The following EXOC6B variants were observed in gnomAD, a reference collection of about 807,000 sequenced individuals.
EXOC6B encodes exocyst complex component 6B, also known as SEC15 homolog B.
A neutral mutation model predicts 113.5 loss-of-function variants in EXOC6B; 54 were observed. The observed-to-expected ratio is 0.48, with a 90% confidence interval of 0.38 to 0.60. The LOEUF (loss-of-function observed/expected upper bound fraction) is 0.60. Ranked by LOEUF, EXOC6B falls within the 20% of genes least tolerant of loss-of-function variation. The probability of loss-of-function intolerance (pLI) is 0.00; values close to 1 mark genes in which losing one functional copy is unlikely to be tolerated. For missense variants in EXOC6B, 797 were observed against 977.5 expected, an observed-to-expected ratio of 0.82 and a Z score of 2.46; for synonymous variants, 357 against 339.0, an observed-to-expected ratio of 1.05 and a Z score of -0.58.
intron 17 of EXOC6B, among the ~76,000 whole-genome samples, chr2:72,466,521 A>G (rs928987662): frequency 3.9e-5 from 6 of 151,958 alleles, no homozygotes; most frequent in Admixed American, 2.6e-4. Context: ...ATATCTCCCA[A>G]ATTTCTCTGT....
At chr2:72,717,958 A>G (rs1488198020) in intron 6 of EXOC6B, 145 bp downstream of exon 6, 1 of 577,422 alleles carries the variant, frequency 1.7e-6, no homozygotes, top group Non-Finnish European at 2.9e-6. Flanking sequence ...ATTTTTAATC[A>G]TATGTTTCCA....
chr2:72,519,369 T>C (rs950107992), intron 8 of EXOC6B, among the ~76,000 whole-genome samples: 2 of 152,298 alleles, frequency 1.3e-5, no homozygotes, highest in East Asian at 1.9e-4. Context: ...CTAGTGTTCC[T>C]AAGCTCAAGA....
At chr2:72,391,028 G>A (rs1043388578) in intron 18 of EXOC6B, among the ~76,000 whole-genome samples, 3 of 152,042 alleles carry the variant, frequency 2.0e-5, no homozygotes, top group Middle Eastern at 3.2e-3. Flanking sequence ...AACTCCAGTC[G>A]TTGTCTTCTT....
At chr2:72,796,347 G>A (rs1684948737) in intron 1 of EXOC6B, among the ~76,000 whole-genome samples, 1 of 151,274 alleles carries the variant, frequency 6.6e-6, no homozygotes. Context: ...CAGCTACTCG[G>A]GAGACTGAGG....
At chr2:72,713,100 G>A (rs1175761918) in intron 6 of EXOC6B, among the ~76,000 whole-genome samples, 1 of 152,094 alleles carries the variant, frequency 6.6e-6, no homozygotes, top group Non-Finnish European at 1.5e-5. Context: ...TTTAATTAGG[G>A]TAGAACCCTT....
At chr2:72,722,794 T>C (rs1558949872) in intron 5 of EXOC6B, among the ~76,000 whole-genome samples, 1 of 152,158 alleles carries the variant, frequency 6.6e-6, no homozygotes, top group Non-Finnish European at 1.5e-5. Context: ...TGGGGTTTAG[T>C]TATATTTTGG....
At chr2:72,490,888 A>G (rs979960147) in intron 16 of EXOC6B, among the ~76,000 whole-genome samples, 2 of 152,158 alleles carry the variant, frequency 1.3e-5, no homozygotes, top group Non-Finnish European at 2.9e-5. Flanking sequence ...AGCTATTTCT[A>G]TCAGACCATG....
intron 1 of EXOC6B, among the ~76,000 whole-genome samples, chr2:72,787,967 T>C (rs1684469982): frequency 1.3e-5 from 2 of 152,230 alleles, no homozygotes; most frequent in Admixed American, 1.3e-4. Context: ...TTTTTAATAC[T>C]TGGTATCCAC....
At chr2:72,557,107 C>T (rs1055960055) in intron 8 of EXOC6B, among the ~76,000 whole-genome samples, 3 of 151,248 alleles carry the variant, frequency 2.0e-5, no homozygotes, top group African/African-American at 7.3e-5. Context: ...ATCCATAGCG[C>T]AACATCATCT....
chr2:72,788,738 C>T (rs776374836), intron 1 of EXOC6B, among the ~76,000 whole-genome samples: 13 of 152,152 alleles, frequency 8.5e-5, no homozygotes, highest in Non-Finnish European at 1.3e-4. Context: ...GTCGAAGCTG[C>T]AAGTGTGCGG....
intron 1 of EXOC6B, among the ~76,000 whole-genome samples, chr2:72,765,629 C>T (rs141212717): frequency 5.1e-4 from 77 of 152,112 alleles, no homozygotes; most frequent in Admixed American, 1.4e-3. Context: ...GCCGAGATTG[C>T]GCCATTGCAC....
At chr2:72,643,309 C>A (rs1054310270) in intron 6 of EXOC6B, among the ~76,000 whole-genome samples, 2 of 148,438 alleles carry the variant, frequency 1.3e-5, no homozygotes, top group Admixed American at 1.3e-4. Context: ...AAGACACATG[C>A]ACACGTATGT....
chr2:72,487,352 G>C (rs1038257754), intron 16 of EXOC6B, among the ~76,000 whole-genome samples: 5 of 151,558 alleles, frequency 3.3e-5, no homozygotes, highest in African/African-American at 1.2e-4. Flanking sequence ...TTTTTGTTTT[G>C]TTTTGTTTTG....
At chr2:72,397,727 A>C in intron 18 of EXOC6B, among the ~76,000 whole-genome samples, 1 of 151,918 alleles carries the variant, frequency 6.6e-6, no homozygotes, top group East Asian at 1.9e-4. Context: ...GACACCTAAT[A>C]AGTATGTGAA....
At chr2:72,799,155 G>A (rs574890323) in intron 1 of EXOC6B, among the ~76,000 whole-genome samples, 4 of 141,994 alleles carry the variant, frequency 2.8e-5, no homozygotes, top group South Asian at 4.3e-4. Flanking sequence ...CAGGAGAATC[G>A]CTTGTGCCCA....
intron 6 of EXOC6B, among the ~76,000 whole-genome samples, chr2:72,631,333 A>G (rs1231651874): frequency 1.3e-5 from 2 of 150,932 alleles, no homozygotes; most frequent in East Asian, 3.9e-4. Context: ...CTGTTAATAT[A>G]TAGGACCTCT....
At chr2:72,226,633 A>G (rs1681257930) in intron 20 of EXOC6B, among the ~76,000 whole-genome samples, 1 of 152,188 alleles carries the variant, frequency 6.6e-6, no homozygotes, top group South Asian at 2.1e-4. Flanking sequence ...CCCTTTAAAA[A>G]TCTAGGTTTA....
intron 20 of EXOC6B, among the ~76,000 whole-genome samples, chr2:72,318,070 G>A (rs1687629402): frequency 6.6e-6 from 1 of 152,152 alleles, no homozygotes; most frequent in South Asian, 2.1e-4. Context: ...GCTCTTTTCT[G>A]TAGTACCACT....
At chr2:72,532,882 G>T (rs1362108895) in intron 8 of EXOC6B, among the ~76,000 whole-genome samples, 1 of 151,900 alleles carries the variant, frequency 6.6e-6, no homozygotes, top group African/African-American at 2.4e-5. Context: ...TGTGACTACA[G>T]ACATAGTAGC....
Sources: allele counts gnomAD v4.1 joint callset (sites outside exome capture counted in the v4.1 genomes callset), GRCh38; gene constraint gnomAD v4.1.1; transcripts MANE v1.5; gene names NCBI Gene and HGNC (gene_info 2026-07-23, HGNC 2026-07-21).